Variants in UGGT2 observed in about 807,000 individuals in gnomAD.
UGGT2 encodes UDP-glucose:glycoprotein glucosyltransferase 2.
UGGT2 carries 180 observed loss-of-function variants against 192.1 expected under a neutral mutation model. The observed-to-expected ratio is 0.94, with a 90% CI of 0.83 to 1.06. The LOEUF (loss-of-function observed/expected upper bound fraction) is 1.06. UGGT2 is among the 50% of genes least tolerant of loss of function. UGGT2 has a pLI of 0.00. For missense variants in UGGT2, 1,849 were observed against 1,795.7 expected (o/e 1.03, Z -0.54); for synonymous variants, 580 against 591.0 (o/e 0.98, Z 0.27).
intron 38 of UGGT2, among the ~76,000 whole-genome samples, chr13:95,821,928 T>A (rs970431730): frequency 6.6e-6 from 1 of 152,204 alleles, no homozygotes; most frequent in African/African-American, 2.4e-5. Flanking sequence ...TACATGCCTA[T>A]TTTTATACAA....
chr13:95,983,703 C>A, intron 10 of UGGT2, 101 bp downstream of exon 10: 2 of 908,630 alleles, frequency 2.2e-6, no homozygotes, highest in East Asian at 2.8e-5. Flanking sequence ...ATCAAAAAAG[C>A]ACAAATTACT....
rs749779699 is a variant in UGGT2 at position 95,927,313 on chromosome 13, A to C, written c.2001T>G (p.Asn667Lys). The C allele has an allele frequency of 6.2e-7, 1 of 1,608,078 alleles. No individual in the cohort carries two copies. The highest frequency in any genetic ancestry group is 1.1e-5 in the South Asian group (1 of 89,676). The part of the protein sequence containing the change: ...VFLGTLNDRT[N>K]AIDFLMDRNN... ...TCCTATCCATTAGAAAATCAATTGC[A>C]TTCGTGCGATCATTTAATGTGCCCT... Residue 667 changes from asparagine to lysine, a missense_variant, in exon 18 of 39, where the codon AAT becomes AAG. Physicochemically the swap from Asn to Lys is moderately conservative, Grantham distance 94 (BLOSUM62 0). Transcript: ENST00000376747.
At chr13:95,898,676 A>G (rs1242998222) in intron 22 of UGGT2, among the ~76,000 whole-genome samples, 1 of 152,110 alleles carries the variant, frequency 6.6e-6, no homozygotes, top group African/African-American at 2.4e-5. Flanking sequence ...CTGTGCCTCA[A>G]AATGGACTAA....
intron 21 of UGGT2, 31 bp from the exon 22 acceptor site, chr13:95,900,969 A>G: frequency 2.1e-6 from 3 of 1,456,074 alleles, no homozygotes; most frequent in Non-Finnish European, 2.7e-6. Context: ...GATGAAACTA[A>G]TATGAGAACA....
chr13:95,803,201 G>A (rs1208182531), intron 38 of UGGT2, among the ~76,000 whole-genome samples: 1 of 152,160 alleles, frequency 6.6e-6, no homozygotes, highest in Non-Finnish European at 1.5e-5. Flanking sequence ...GAACAATTTT[G>A]AGAGAGACAA....
At chr13:95,995,238 G>C (rs1308114917) in intron 7 of UGGT2, 1 of 151,904 alleles carries the variant, frequency 6.6e-6, no homozygotes. Context: ...ATTTACTCAA[G>C]AAGAAATTCC....
At chr13:95,917,986 G>C (rs2048732299) in intron 20 of UGGT2, among the ~76,000 whole-genome samples, 1 of 152,130 alleles carries the variant, frequency 6.6e-6, no homozygotes, top group Non-Finnish European at 1.5e-5. Context: ...CATCGAGACA[G>C]AAAATTAACA....
intron 29 of UGGT2, among the ~76,000 whole-genome samples, chr13:95,875,407 C>T (rs1891590591): frequency 6.6e-6 from 1 of 152,108 alleles, no homozygotes; most frequent in African/African-American, 2.4e-5. Context: ...CTTTTTCAGT[C>T]ATTTACATAA....
chr13:96,023,187 T>C lies in UGGT2; in HGVS notation c.373-35A>G, dbSNP rs764827954. 8 of 1,505,664 alleles carry C rather than the reference T, an allele frequency of 5.3e-6. No individual in the cohort carries two copies. In the Admixed American group the frequency reaches 1.2e-4, roughly 22 times the overall value. The allele number at this position is 1,505,664 out of a possible 1,614,324, so 93.3% of individuals were successfully genotyped here. ...CAAAGATTATATTTAGCTACAGCAG[T>C]TGATAATTACAATATGATTTTAAAA... is the stretch of plus-strand genomic sequence containing the variant. On this transcript the variant is annotated intron_variant, in intron 3 of 38. Coordinates refer to ENST00000376747, the MANE Select transcript of UGGT2 (RefSeq NM_020121.4).
intron 1 of UGGT2, among the ~76,000 whole-genome samples, chr13:96,037,100 T>C (rs1232009004): frequency 6.6e-6 from 1 of 152,156 alleles, no homozygotes; most frequent in African/African-American, 2.4e-5. Flanking sequence ...TAATTATAAG[T>C]GGAATTTCAA....
chr13:95,935,507 T>C (rs2049434435), intron 17 of UGGT2, among the ~76,000 whole-genome samples: 1 of 152,206 alleles, frequency 6.6e-6, no homozygotes, highest in Admixed American at 6.5e-5. Context: ...TGTTGTTAGT[T>C]TGATGGGGTT....
At chr13:96,045,024 GA>G (rs1272272896) in intron 1 of UGGT2, among the ~76,000 whole-genome samples, 1 of 151,598 alleles carries the variant, frequency 6.6e-6, no homozygotes, top group Non-Finnish European at 1.5e-5. Context: ...CCAAAACCAG[GA>G]AAAAAACATA....
intron 36 of UGGT2, among the ~76,000 whole-genome samples, chr13:95,845,890 C>T (rs535328916): frequency 6.6e-6 from 1 of 151,980 alleles, no homozygotes; most frequent in Non-Finnish European, 1.5e-5. Context: ...AGACGCTCCT[C>T]ACTTCCTAGA....
chr13:96,029,613 G>T (rs1566841696), intron 2 of UGGT2, among the ~76,000 whole-genome samples: 1 of 152,036 alleles, frequency 6.6e-6, no homozygotes, highest in Non-Finnish European at 1.5e-5. Flanking sequence ...TACAATTTAG[G>T]TTCAACCCTG....
intron 33 of UGGT2, chr13:95,856,800 C>G (rs1889666786): frequency 8.1e-6 from 2 of 245,600 alleles, no homozygotes; most frequent in South Asian, 9.7e-5. Context: ...AAATTAGATT[C>G]TATACAGGAG....
chr13:96,039,987 C>A (rs2053120172), intron 1 of UGGT2, among the ~76,000 whole-genome samples: 1 of 152,134 alleles, frequency 6.6e-6, no homozygotes, highest in South Asian at 2.1e-4. Context: ...CTCTTCTAAG[C>A]CCTCAGCAGA....
rs577653150 is a variant in UGGT2, at chr13:95,977,346, A to G, written c.1093-4675T>C. On this transcript the variant is annotated intron_variant, in intron 10 of 38. Transcript: ENST00000376747. ...CCAGAATCTACAAGGAACTTAAACA[A>G]ATTTACAAGAAAAAACAAACAACTC... Among the ~76,000 whole-genome samples, 15 of 152,328 alleles carry G rather than the reference A, an allele frequency of 9.8e-5. No homozygotes were observed. In the South Asian group the frequency reaches 2.9e-3, roughly 29 times the overall value.
At chr13:95,932,311 T>TGTGTGTGTGTGTGTG (rs2049311268) in intron 17 of UGGT2, among the ~76,000 whole-genome samples, 7 of 139,422 alleles carry the variant, frequency 5.0e-5, no homozygotes, top group African/African-American at 1.9e-4. Flanking sequence ...GGTATTTTAT[T>TGTGTGTGTGTGTGTG]TGTGTGTGTG....
Position 95,863,728 on chromosome 13 carries a change from C to T in UGGT2, c.3559-14G>A. ...TTCTTTTTTCACCTAGATAGCATGG[C>T]AAAAAAGATTAGAATTTGGCTGCTT... is the stretch of plus-strand genomic sequence containing the variant. On this transcript the variant is annotated splice_polypyrimidine_tract_variant and intron_variant, in intron 30 of 38. Transcript: ENST00000376747. The T allele has an allele frequency of 6.3e-7, 1 of 1,597,036 alleles. No individual in the cohort carries two copies. The highest frequency in any genetic ancestry group is 8.6e-7 in the Non-Finnish European group (1 of 1,166,304).
Sources: allele counts gnomAD v4.1 joint callset (sites outside exome capture counted in the v4.1 genomes callset), GRCh38; gene constraint gnomAD v4.1.1; transcripts MANE v1.5; gene names NCBI Gene and HGNC (gene_info 2026-07-23, HGNC 2026-07-21).